TDP1: variants seen among roughly 807,000 people sequenced by gnomAD.
The protein encoded by TDP1 is tyr-DNA phosphodiesterase 1.
Under a neutral mutation model 81.5 loss-of-function variants are expected in TDP1, and 64 were observed. That is an observed-to-expected ratio of 0.79 (90% CI 0.64 to 0.97). The LOEUF (loss-of-function observed/expected upper bound fraction) is 0.97, where lower values mean the gene tolerates loss of function less well. Among genes scored for constraint, TDP1 ranks in the 50% least tolerant of loss-of-function variants. TDP1 has a pLI of 0.00. For missense variants in TDP1, 723 were observed against 743.8 expected (o/e 0.97, Z 0.33); for synonymous variants, 256 against 264.3 (o/e 0.97, Z 0.30).
chr14:90,022,740 T>C, intron 15 of TDP1: 1 of 985,260 alleles, frequency 1.0e-6, no homozygotes, highest in Non-Finnish European at 1.2e-6. Context: ...GTGAAGCTTC[T>C]GGAAAAAAAG....
intron 16 of TDP1, among the ~76,000 whole-genome samples, chr14:90,034,071 G>GA (rs201969025): frequency 2.2e-4 from 33 of 147,422 alleles, no homozygotes; most frequent in South Asian, 2.1e-4. Flanking sequence ...CAACTCTAAG[G>GA]AAAAAAAAAA....
chr14:90,019,717 C>T (rs1223150119), intron 15 of TDP1, among the ~76,000 whole-genome samples: 1 of 152,130 alleles, frequency 6.6e-6, no homozygotes, highest in Non-Finnish European at 1.5e-5. Flanking sequence ...GAAGATTTAT[C>T]TCGAGGTGGT....
At chr14:90,007,928 T>C (rs1385963097) in intron 14 of TDP1, among the ~76,000 whole-genome samples, 1 of 152,198 alleles carries the variant, frequency 6.6e-6, no homozygotes, top group Non-Finnish European at 1.5e-5. Flanking sequence ...TTTTTTTCCA[T>C]TGGCTTTTGA....
intron 16 of TDP1, among the ~76,000 whole-genome samples, chr14:90,039,673 T>TAAA (rs35233912): frequency 1.4e-3 from 195 of 140,932 alleles, no homozygotes; most frequent in Admixed American, 4.6e-3. Flanking sequence ...ATCTGATTAT[T>TAAA]AAAAAAAAAA....
At chr14:89,960,078 G>T (rs1370104119) in intron 2 of TDP1, among the ~76,000 whole-genome samples, 2 of 152,176 alleles carry the variant, frequency 1.3e-5, no homozygotes, top group Non-Finnish European at 2.9e-5. Flanking sequence ...TAGAACTGTT[G>T]TAGAATTCAA....
At chr14:89,982,470 G>T (rs1014703743) in intron 8 of TDP1, among the ~76,000 whole-genome samples, 1 of 152,112 alleles carries the variant, frequency 6.6e-6, no homozygotes, top group Admixed American at 6.5e-5. Flanking sequence ...ATGAAACAAT[G>T]TTACTAAAGG....
intron 14 of TDP1, among the ~76,000 whole-genome samples, chr14:90,004,166 A>G (rs936962170): frequency 6.6e-6 from 1 of 152,146 alleles, no homozygotes; most frequent in African/African-American, 2.4e-5. Context: ...CATCTGGTAC[A>G]AGCAGAGTGA....
At chr14:89,994,100 T>C (rs1311720044) in intron 14 of TDP1, among the ~76,000 whole-genome samples, 4 of 152,228 alleles carry the variant, frequency 2.6e-5, no homozygotes, top group African/African-American at 9.6e-5. Flanking sequence ...ACTAGAACTT[T>C]AGTTCCTGAC....
chr14:90,003,559 AGAT>A (rs1566897323), intron 14 of TDP1, among the ~76,000 whole-genome samples: 1 of 152,226 alleles, frequency 6.6e-6, no homozygotes, highest in Non-Finnish European at 1.5e-5. Flanking sequence ...AGCAGGAGGA[AGAT>A]GAGGTTTAAG....
At position 89,984,544 on chromosome 14, in the gene TDP1, A is replaced by C. The variant is rs767915957; in HGVS notation, c.913A>C (p.Ile305Leu). ...ATGGTTGAGCCCCTTATACCCACGA[A>C]TTGCTGATGGAACCCACAAATCTGG... is the stretch of plus-strand genomic sequence containing the variant. Reference protein sequence around the residue: ...GIWLSPLYPRIADGTHKSGES... With the variant: ...GIWLSPLYPRLADGTHKSGES... The change falls in exon 9 of 17, where the codon ATT becomes CTT. Residue 305 changes from isoleucine (I) to leucine (L), a missense_variant. Coordinates refer to ENST00000335725, the MANE Select transcript of TDP1 (RefSeq NM_018319.4). The C allele has an allele frequency of 6.2e-7, 1 of 1,614,072 alleles. No individual in the cohort carries two copies. Among genetic ancestry groups the C allele is most frequent in the Non-Finnish European group, 8.5e-7 (1 of 1,180,006 alleles).
rs35956641 is a variant in TDP1, at chr14:89,988,251, T to C, written c.1132-654T>C. 2.5e-3 allele frequency among the ~76,000 whole-genome samples: 386 copies of C among 152,306 alleles called. 1 individual carries two copies. The highest frequency in any genetic ancestry group is 9.0e-3 in the African/African-American group (375 of 41,566). ...AAACCCTGTCCTTTTGGGTTTTTAATGGAGGCTTCATTACATAGGCATGGT... is the reference window on the plus strand; with the variant it reads ...AAACCCTGTCCTTTTGGGTTTTTAACGGAGGCTTCATTACATAGGCATGGT... On this transcript the variant is annotated intron_variant, in intron 10 of 16. Coordinates refer to ENST00000335725, the MANE Select transcript of TDP1 (RefSeq NM_018319.4).
At chr14:90,014,145 TAAGAA>T (rs1885041186) in intron 14 of TDP1, among the ~76,000 whole-genome samples, 1 of 152,224 alleles carries the variant, frequency 6.6e-6, no homozygotes, top group African/African-American at 2.4e-5. Context: ...CTCAAGAGTC[TAAGAA>T]AAGAATACTT....
Position 89,975,797 on chromosome 14 carries a change from C to G in TDP1, c.773C>G (p.Ala258Gly). 6.2e-7 allele frequency: 1 copy of G among 1,612,580 alleles called. No homozygotes were observed. Among genetic ancestry groups the G allele is most frequent in the Non-Finnish European group, 8.5e-7 (1 of 1,178,780 alleles). ...TCATCCTAGGCAAAGTTGGATATTGCGTTTGGAACACACCACACGTAAGCA... is the reference window on the plus strand; with the variant it reads ...TCATCCTAGGCAAAGTTGGATATTGGGTTTGGAACACACCACACGTAAGCA... ...ISLCQAKLDI[A>G]FGTHHTKMML... The change falls in exon 7 of 17, where the codon GCG becomes GGG. Residue 258 changes from alanine to glycine, a missense_variant. Physicochemically the swap from Ala to Gly is moderately conservative, Grantham distance 60. Coordinates refer to ENST00000335725, the MANE Select transcript of TDP1 (RefSeq NM_018319.4).
intron 7 of TDP1, among the ~76,000 whole-genome samples, chr14:89,977,578 G>A (rs1187122801): frequency 2.0e-5 from 3 of 152,338 alleles, no homozygotes; most frequent in Admixed American, 1.3e-4. Context: ...GATTACAGGC[G>A]TGAGCCACCG....
intron 13 of TDP1, 39 bp from the exon 14 acceptor site, chr14:89,993,332 AATTTT>A: frequency 6.7e-7 from 1 of 1,500,892 alleles, no homozygotes; most frequent in Non-Finnish European, 9.2e-7. Context: ...GATTATGATC[AATTTT>A]ATTTCATAAT....
At chr14:90,021,690 A>G (rs1490602035) in intron 15 of TDP1, among the ~76,000 whole-genome samples, 1 of 152,260 alleles carries the variant, frequency 6.6e-6, no homozygotes, top group African/African-American at 2.4e-5. Context: ...GGAATAAGAA[A>G]GAGCCCCATT....
chr14:90,008,986 G>A (rs1167188401), intron 14 of TDP1, among the ~76,000 whole-genome samples: 1 of 152,206 alleles, frequency 6.6e-6, no homozygotes, highest in Non-Finnish European at 1.5e-5. Context: ...TAGGATTACA[G>A]GCATGAGCTA....
intron 15 of TDP1, among the ~76,000 whole-genome samples, chr14:90,020,763 G>C (rs564613647): frequency 6.9e-6 from 1 of 144,878 alleles, no homozygotes; most frequent in South Asian, 2.3e-4. Context: ...GGGTTGGTGT[G>C]TGCTTGTCCT....
In TDP1 at chr14:90,033,165, C is replaced by T. The variant is rs1887477273; in HGVS notation, c.1704C>T (p.Ala568=). ...KFFAGSQEPM[A]TFPVPYDLPP... ...TCGCTGGCAGCCAGGAGCCAATGGCCACCTTTCCTGTGCCATATGATTTGC... is the reference window on the plus strand; with the variant it reads ...TCGCTGGCAGCCAGGAGCCAATGGCTACCTTTCCTGTGCCATATGATTTGC... The change falls in exon 16 of 17, where the codon GCC becomes GCT. Residue 568 remains alanine, a synonymous_variant. Coordinates refer to ENST00000335725, the MANE Select transcript of TDP1 (RefSeq NM_018319.4). 16 of 1,613,298 alleles carry T rather than the reference C, an allele frequency of 9.9e-6. No homozygotes were observed. The South Asian group carries it at 1.8e-4, about 18-fold the overall frequency.
Sources: gnomAD v4.1 joint callset for allele counts (sites outside exome capture counted in the v4.1 genomes callset) on GRCh38, gnomAD v4.1.1 for gene constraint, MANE v1.5 for transcripts, NCBI Gene and HGNC (gene_info 2026-07-23, HGNC 2026-07-21) for gene names.